PIK3C2B: variants seen among roughly 807,000 people sequenced by gnomAD.
PIK3C2B encodes the protein phosphatidylinositol-4-phosphate 3-kinase catalytic subunit type 2 beta, also known as phosphatidylinositol 4-phosphate 3-kinase C2 domain-containing subunit beta.
Under a neutral mutation model 184.3 loss-of-function variants are expected in PIK3C2B, and 83 were observed. The observed-to-expected ratio is 0.45, with a 90% CI of 0.38 to 0.54. The LOEUF (loss-of-function observed/expected upper bound fraction) is 0.54, where lower values mean the gene tolerates loss of function less well. Among genes scored for constraint, PIK3C2B ranks in the 20% least tolerant of loss-of-function variants. PIK3C2B has a pLI of 0.00. For missense variants in PIK3C2B, 1,736 were observed against 2,113.5 expected, an observed-to-expected ratio of 0.82 and a Z score of 3.50; for synonymous variants, 779 against 837.6, an observed-to-expected ratio of 0.93 and a Z score of 1.21.
At chr1:204,430,066 T>C in intron 28 of PIK3C2B, 28 bp from the exon 29 acceptor site, 1 of 1,427,106 alleles carries the variant, frequency 7.0e-7, no homozygotes. Flanking sequence ...GCAGCGGGGA[T>C]GCAGGAGGTG....
intron 2 of PIK3C2B, 56 bp from the exon 3 acceptor site, chr1:204,465,375 A>G (rs1028143102): frequency 3.8e-6 from 4 of 1,066,180 alleles, no homozygotes; most frequent in Middle Eastern, 2.0e-4. Context: ...TCCCCTCCCT[A>G]TGAGGTACTC....
chr1:204,432,265 A>C lies in PIK3C2B; in HGVS notation c.4090T>G (p.Ser1364Ala). ...AGGAAAACATCACTGATTCGGCCAG[A>C]GCTCTTGAGAGTGTGTGTTCGGGAG... The part of the protein sequence containing the change: ...FASRTHTLKS[S>A]GRISDVFLCR... The change falls in exon 27 of 33, where the codon TCT becomes GCT. Residue 1364 changes from serine (S) to alanine (A), a missense_variant. Coordinates refer to ENST00000684373, the MANE Select transcript of PIK3C2B (RefSeq NM_001377334.1). The C allele has an allele frequency of 6.2e-7, 1 of 1,614,086 alleles. No homozygotes were observed. The highest frequency in any genetic ancestry group is 8.5e-7 in the Non-Finnish European group (1 of 1,180,036).
At chr1:204,465,654 G>A (rs1655701545) in intron 2 of PIK3C2B, among the ~76,000 whole-genome samples, 1 of 151,954 alleles carries the variant, frequency 6.6e-6, no homozygotes, top group Admixed American at 6.6e-5. Context: ...GGGCTTTCCG[G>A]GGGATTCTCC....
chr1:204,431,540 C>T, intron 28 of PIK3C2B, 129 bp downstream of exon 28: 1 of 1,189,092 alleles, frequency 8.4e-7, no homozygotes, highest in Non-Finnish European at 1.2e-6. Context: ...CCATACCAGG[C>T]CAAGCAAAGC....
At chr1:204,427,954 T>C (rs986463529) in intron 30 of PIK3C2B, among the ~76,000 whole-genome samples, 185 bp downstream of exon 30, 3 of 152,210 alleles carry the variant, frequency 2.0e-5, no homozygotes, top group South Asian at 2.1e-4. Context: ...ATCCACCCTG[T>C]GGGGAACCCA....
At chr1:204,467,968 G>C (rs1270270197) in intron 2 of PIK3C2B, among the ~76,000 whole-genome samples, 1 of 152,088 alleles carries the variant, frequency 6.6e-6, no homozygotes, top group African/African-American at 2.4e-5. Context: ...TGCTGCTGAA[G>C]CTCCCCTAAA....
Position 204,469,748 on chromosome 1 carries a change from T to G in PIK3C2B, c.55A>C (p.Ile19Leu). The G allele has an allele frequency of 6.2e-7, 1 of 1,614,102 alleles. No individual in the cohort carries two copies. The highest frequency in any genetic ancestry group is 8.5e-7 in the Non-Finnish European group (1 of 1,179,970). ...EHWKSLESVG[I>L]SRKELAMAEA... ...GCCATCGCTAGCTCTTTGCGGCTGA[T>G]GCCCACTGACTCCAGGGACTTCCAG... The change falls in exon 2 of 33, where the codon ATC becomes CTC. Residue 19 changes from isoleucine (I) to leucine (L), a missense_variant. Ile to Leu is a conservative substitution (Grantham distance 5). Coordinates refer to ENST00000684373, the MANE Select transcript of PIK3C2B (RefSeq NM_001377334.1).
chr1:204,493,228 T>G (rs1344870696), intron 1 of PIK3C2B, among the ~76,000 whole-genome samples: 1 of 152,184 alleles, frequency 6.6e-6, no homozygotes, highest in Non-Finnish European at 1.5e-5. Context: ...TACATCTGCC[T>G]GGCCATATCC....
rs115237055 is a variant in PIK3C2B, at chr1:204,459,575, G to T, written c.1566+303C>A. ...CCAGTGTACATCAAGTGCAGCAGCT[G>T]GGGGGTGACAGCTCTAGGTTCCTTA... is the stretch of plus-strand genomic sequence containing the variant. On this transcript the variant is annotated intron_variant, in intron 8 of 32. Coordinates refer to ENST00000684373, the MANE Select transcript of PIK3C2B (RefSeq NM_001377334.1). Among the ~76,000 whole-genome samples the T allele has an allele frequency of 9.4e-3, 1,435 of 152,276 alleles. 17 individuals carry two copies. The highest frequency in any genetic ancestry group is 0.031 in the Middle Eastern group (9 of 294).
At chr1:204,466,880 T>A (rs1311782465) in intron 2 of PIK3C2B, 4 of 533,094 alleles carry the variant, frequency 7.5e-6, no homozygotes, top group Non-Finnish European at 1.5e-5. Context: ...GCCAGCCAGT[T>A]CCAGAGCTGG....
At chr1:204,444,014 A>T in intron 18 of PIK3C2B, 54 bp downstream of exon 18, 1 of 1,224,388 alleles carries the variant, frequency 8.2e-7, no homozygotes, top group Admixed American at 1.7e-5. Context: ...AGAGTGAAAT[A>T]CTCCTACGTG....
In PIK3C2B at chr1:204,433,069, G is replaced by A. The variant is rs527500223; in HGVS notation, c.3953+247C>T. ...TGGGACCTAGTGAGAATGTAGATAA[G>A]AGTGATGGCAATACCCTTGTGTGCA... is the stretch of plus-strand genomic sequence containing the variant. On this transcript the variant is annotated intron_variant, in intron 26 of 32. Transcript: ENST00000684373. The surrounding 1 kb of genome is among the most constrained non-coding windows in gnomAD (Gnocchi z 5.0). 1.3e-5 allele frequency among the ~76,000 whole-genome samples: 2 copies of A among 152,366 alleles called. No individual in the cohort carries two copies. The highest frequency in any genetic ancestry group is 2.1e-4 in the South Asian group (1 of 4,834).
chr1:204,425,599 T>C lies in PIK3C2B; in HGVS notation c.4716+14A>G. ...TGCCAACCCCTGCCCTACCCCACCA[T>C]TTTCCCCACCCACCATCTCATTGTA... On this transcript the variant is annotated intron_variant, in intron 32 of 32. Transcript: ENST00000684373. The C allele has an allele frequency of 6.2e-7, 1 of 1,613,292 alleles. No homozygotes were observed. Among genetic ancestry groups the C allele is most frequent in the Non-Finnish European group, 8.5e-7 (1 of 1,179,460 alleles).
chr1:204,469,559 G>GT lies in PIK3C2B; in HGVS notation c.243dup (p.Arg82ThrfsTer7), dbSNP rs1342367032. The GT allele has an allele frequency of 1.3e-6, 2 of 1,594,518 alleles. No individual in the cohort carries two copies. The highest frequency in any genetic ancestry group is 1.7e-6 in the Non-Finnish European group (2 of 1,170,004). ...GTAGGATCAGAGCCAGAGAGACCGC[G>GT]TAACAGCTTGAGGTCGGTCCGCCTT... On this transcript the variant is annotated frameshift_variant, in exon 2 of 33. Coordinates refer to ENST00000684373, the MANE Select transcript of PIK3C2B (RefSeq NM_001377334.1). LOFTEE classifies it high-confidence loss of function.
At chr1:204,479,687 C>G (rs1304103058) in intron 1 of PIK3C2B, among the ~76,000 whole-genome samples, 1 of 152,232 alleles carries the variant, frequency 6.6e-6, no homozygotes, top group South Asian at 2.1e-4. Flanking sequence ...TGCCTCGATA[C>G]AGCATTTGCT....
rs764495158 is a variant in PIK3C2B, at chr1:204,449,904, C to T, written c.2180G>A (p.Arg727Gln). 6.8e-6 allele frequency: 11 copies of T among 1,613,844 alleles called. No individual in the cohort carries two copies. Among genetic ancestry groups the T allele is most frequent in the Non-Finnish European group, 9.3e-6 (11 of 1,179,940 alleles). ...CCAGCCCAGGGCTTCAGGCACCCGC[C>T]GCTGCTTATTGGCCTCTGAGGAGCT... ...PGSSSEANKQRRVPEALGWVT... is the reference protein window; with the variant it reads ...PGSSSEANKQQRVPEALGWVT... Residue 727 changes from arginine (R) to glutamine (Q), a missense_variant, in exon 13 of 33, where the codon CGG becomes CAG. Coordinates refer to ENST00000684373, the MANE Select transcript of PIK3C2B (RefSeq NM_001377334.1).
chr1:204,446,897 C>T (rs1267776179), intron 15 of PIK3C2B, among the ~76,000 whole-genome samples: 1 of 152,140 alleles, frequency 6.6e-6, no homozygotes, highest in Non-Finnish European at 1.5e-5. Flanking sequence ...GAACCAGGTC[C>T]CTCCAGCTCC....
chr1:204,451,984 G>C (rs1445387034), intron 12 of PIK3C2B, among the ~76,000 whole-genome samples: 1 of 152,224 alleles, frequency 6.6e-6, no homozygotes, highest in Admixed American at 6.5e-5. Context: ...GTAGGAAGGA[G>C]AGAATGACTG....
In PIK3C2B at chr1:204,469,590, T is replaced by A; in HGVS notation, c.213A>T (p.Pro71=). Residue 71 remains proline, a synonymous_variant, in exon 2 of 33, where the codon CCA becomes CCT. Transcript: ENST00000684373. Reference sequence around the variant, plus strand: ...GCTTGAGGTCGGTCCGCCTTCCTGCTGGCTTGCTGTAAAAGTCTACCCCAG... The same window carrying A: ...GCTTGAGGTCGGTCCGCCTTCCTGCAGGCTTGCTGTAAAAGTCTACCCCAG... ...DEPGVDFYSK[P]AGRRTDLKLL... 6.3e-7 allele frequency: 1 copy of A among 1,598,186 alleles called. No homozygotes were observed. Among genetic ancestry groups the A allele is most frequent in the Non-Finnish European group, 8.5e-7 (1 of 1,170,868 alleles).
Sources: gnomAD v4.1 joint callset for allele counts (sites outside exome capture counted in the v4.1 genomes callset) on GRCh38, gnomAD v4.1.1 for gene constraint, Gnocchi (gnomAD v3.1) non-coding constraint, MANE v1.5 for transcripts, NCBI Gene and HGNC (gene_info 2026-07-23, HGNC 2026-07-21) for gene names.